Variants in C3orf20 observed in about 807,000 individuals in gnomAD.
C3orf20 encodes the protein uncharacterized protein C3orf20.
Under a neutral mutation model 88.3 loss-of-function variants are expected in C3orf20, and 76 were observed. That is an observed-to-expected ratio of 0.86 (90% confidence interval 0.72 to 1.04). C3orf20 has a LOEUF of 1.04. C3orf20 is among the 50% of genes least tolerant of loss of function. The pLI is 0.00. For synonymous variants in C3orf20, 436 were observed against 437.4 expected (o/e 1.00, Z 0.04); for missense variants, 1,056 against 1,123.3 (o/e 0.94, Z 0.86).
chr3:14,687,515 C>G (rs1203395838), intron 4 of C3orf20, among the ~76,000 whole-genome samples: 7 of 152,150 alleles, frequency 4.6e-5, no homozygotes, highest in Non-Finnish European at 7.3e-5. Flanking sequence ...GATCGCCAGA[C>G]AGAGCTCTGC....
chr3:14,756,425 T>A (rs1039561323), intron 12 of C3orf20, among the ~76,000 whole-genome samples: 1 of 152,072 alleles, frequency 6.6e-6, no homozygotes, highest in Non-Finnish European at 1.5e-5. Context: ...ACACACCAAA[T>A]TCATGAACTC....
Position 14,690,011 on chromosome 3 carries a change from A to T in C3orf20, c.640A>T (p.Met214Leu), listed in dbSNP as rs376158012. The change falls in exon 5 of 17, where the codon ATG becomes TTG. Residue 214 changes from methionine to leucine, a missense_variant. Physicochemically the swap from Met to Leu is conservative, Grantham distance 15. Coordinates refer to ENST00000253697, the MANE Select transcript of C3orf20 (RefSeq NM_032137.5). ...GQLWKESLANMSAIGVNSPYQ... is the reference protein window; with the variant it reads ...GQLWKESLANLSAIGVNSPYQ... ...TCCCACTCCAGAGTCCCTCGCAAAC[A>T]TGTCCGCCATTGGGGTGAACTCGCC... is the stretch of plus-strand genomic sequence containing the variant. 3.1e-6 allele frequency: 5 copies of T among 1,614,196 alleles called. No homozygotes were observed. The East Asian group carries it at 1.1e-4, about 36-fold the overall frequency.
intron 5 of C3orf20, among the ~76,000 whole-genome samples, chr3:14,696,264 G>A (rs1356924333): frequency 4.0e-5 from 6 of 151,280 alleles, no homozygotes; most frequent in Admixed American, 3.3e-4. Context: ...CAAGCAAAGA[G>A]AAAACTAATA....
intron 5 of C3orf20, among the ~76,000 whole-genome samples, chr3:14,692,278 G>A (rs1422836159): frequency 6.6e-6 from 1 of 152,172 alleles, no homozygotes; most frequent in South Asian, 2.1e-4. Flanking sequence ...TGGAATTGCT[G>A]GATCGCATAG....
At chr3:14,764,349 T>C (rs912295253) in intron 15 of C3orf20, among the ~76,000 whole-genome samples, 2 of 152,184 alleles carry the variant, frequency 1.3e-5, no homozygotes, top group Non-Finnish European at 2.9e-5. Context: ...AGTGGGTTGA[T>C]GGTTTAAGAG....
At chr3:14,755,815 G>A (rs936432623) in intron 12 of C3orf20, among the ~76,000 whole-genome samples, 1 of 152,062 alleles carries the variant, frequency 6.6e-6, no homozygotes, top group Non-Finnish European at 1.5e-5. Flanking sequence ...AGATCACGAG[G>A]TCAGGAGATC....
At chr3:14,748,166 A>G (rs901174513) in intron 12 of C3orf20, among the ~76,000 whole-genome samples, 1 of 151,978 alleles carries the variant, frequency 6.6e-6, no homozygotes, top group Non-Finnish European at 1.5e-5. Flanking sequence ...AGGCTTATTC[A>G]GATTATATAT....
intron 10 of C3orf20, among the ~76,000 whole-genome samples, chr3:14,724,263 T>C (rs2034273178): frequency 6.6e-6 from 1 of 152,238 alleles, no homozygotes; most frequent in Non-Finnish European, 1.5e-5. Flanking sequence ...AATTATTTAT[T>C]CTCATAAAAT....
At chr3:14,675,575 A>G (rs896653069) in intron 1 of C3orf20, among the ~76,000 whole-genome samples, 1 of 152,314 alleles carries the variant, frequency 6.6e-6, no homozygotes, top group East Asian at 1.9e-4. Context: ...CTGCATCTAT[A>G]TAGTCACTCA....
intron 12 of C3orf20, among the ~76,000 whole-genome samples, chr3:14,750,789 T>C (rs948569556): frequency 1.4e-5 from 2 of 147,726 alleles, no homozygotes; most frequent in African/African-American, 2.6e-5. Context: ...TCTCTTTGAA[T>C]TTATCCCACT....
chr3:14,733,711 A>G (rs2034611690), intron 12 of C3orf20, among the ~76,000 whole-genome samples: 1 of 151,460 alleles, frequency 6.6e-6, no homozygotes, highest in East Asian at 1.9e-4. Context: ...TTTTTTTGAA[A>G]CGGAGTCTCA....
chr3:14,719,020 G>C (rs976942175), intron 9 of C3orf20, among the ~76,000 whole-genome samples: 19 of 152,174 alleles, frequency 1.2e-4, no homozygotes, highest in African/African-American at 4.1e-4. Flanking sequence ...CCTGCCTTCA[G>C]GCTAAAGCCG....
chr3:14,677,714 T>C (rs1019403329), intron 1 of C3orf20, among the ~76,000 whole-genome samples: 5 of 152,142 alleles, frequency 3.3e-5, no homozygotes, highest in African/African-American at 7.2e-5. Context: ...TTGGCCAGGC[T>C]GGTCTCAAAC....
At chr3:14,683,443 G>C (rs1247040987) in intron 3 of C3orf20, among the ~76,000 whole-genome samples, 1 of 152,148 alleles carries the variant, frequency 6.6e-6, no homozygotes, top group Non-Finnish European at 1.5e-5. Flanking sequence ...GGCACTAAGG[G>C]GCAGTGTTTG....
At chr3:14,756,064 A>G (rs888298524) in intron 12 of C3orf20, among the ~76,000 whole-genome samples, 4 of 151,248 alleles carry the variant, frequency 2.6e-5, no homozygotes, top group African/African-American at 9.7e-5. Flanking sequence ...GAAAAAAGAA[A>G]AAAGAGTTTC....
chr3:14,707,463 G>T (rs1161854485), intron 7 of C3orf20, among the ~76,000 whole-genome samples: 1 of 147,464 alleles, frequency 6.8e-6, no homozygotes, highest in Non-Finnish European at 1.5e-5. Flanking sequence ...GTGTGTGTGT[G>T]TGTGTGTGTG....
intron 1 of C3orf20, among the ~76,000 whole-genome samples, chr3:14,676,295 G>T (rs959715557): frequency 2.0e-5 from 3 of 152,012 alleles, no homozygotes; most frequent in Non-Finnish European, 1.5e-5. Flanking sequence ...TGGTAACTGT[G>T]CCACTGTCTT....
intron 10 of C3orf20, among the ~76,000 whole-genome samples, chr3:14,726,542 G>T (rs576036536): frequency 6.6e-6 from 1 of 152,298 alleles, no homozygotes; most frequent in African/African-American, 2.4e-5. Flanking sequence ...ACCAAGACTC[G>T]GTCCCTTCCC....
At chr3:14,682,438 C>T (rs2032141429) in intron 2 of C3orf20, 107 bp downstream of exon 2, 3 of 437,290 alleles carry the variant, frequency 6.9e-6, no homozygotes, top group South Asian at 3.3e-5. Flanking sequence ...TGGAACCATA[C>T]TTATCATCAG....
Sources: allele counts gnomAD v4.1 joint callset (sites outside exome capture counted in the v4.1 genomes callset), GRCh38; gene constraint gnomAD v4.1.1; transcripts MANE v1.5; gene names NCBI Gene and HGNC (gene_info 2026-07-23, HGNC 2026-07-21).